MCM10: variants seen among roughly 807,000 people sequenced by gnomAD.
The protein encoded by MCM10 is protein MCM10 homolog.
MCM10 carries 91 observed loss-of-function variants against 109.9 expected under a neutral mutation model. That is an observed-to-expected ratio of 0.83 (90% CI 0.70 to 0.99). The LOEUF (loss-of-function observed/expected upper bound fraction) is 0.99, where lower values mean the gene tolerates loss of function less well. Among genes scored for constraint, MCM10 ranks in the 50% least tolerant of loss-of-function variants. MCM10 has a pLI of 0.00. For missense variants in MCM10, 1,077 were observed against 1,061.2 expected (o/e 1.01, Z -0.21); for synonymous variants, 380 against 387.2 (o/e 0.98, Z 0.22).
At chr10:13,166,533 G>T (rs1030590024) in intron 2 of MCM10, among the ~76,000 whole-genome samples, 5 of 151,668 alleles carry the variant, frequency 3.3e-5, no homozygotes, top group Non-Finnish European at 7.4e-5. Context: ...TACTCGGGAG[G>T]CTGAGGCAGG....
Position 13,186,268 on chromosome 10 carries a change from G to A in MCM10, c.1203G>A (p.Gln401=), listed in dbSNP as rs1834273806. Reference sequence around the variant, plus strand: ...AGAAGAATGGAGAGCCGTGCACGCAGACTGTGAATTTGGTTGGTTTCAGCC... The same window carrying A: ...AGAAGAATGGAGAGCCGTGCACGCAAACTGTGAATTTGGTTGGTTTCAGCC... ...AKKKNGEPCT[Q]TVNLRDCEYC... Residue 401 remains glutamine, a synonymous_variant, in exon 9 of 20, where the codon CAG becomes CAA. Transcript: ENST00000378714. The A allele has an allele frequency of 1.9e-6, 3 of 1,610,456 alleles. No homozygotes were observed. The highest frequency in any genetic ancestry group is 2.5e-6 in the Non-Finnish European group (3 of 1,177,132).
chr10:13,203,865 G>T (rs748985949), intron 17 of MCM10, among the ~76,000 whole-genome samples: 25 of 152,140 alleles, frequency 1.6e-4, no homozygotes, highest in African/African-American at 6.0e-4. Flanking sequence ...GCAAGGGGCC[G>T]TAATGACTCT....
intron 1 of MCM10, among the ~76,000 whole-genome samples, chr10:13,161,825 C>A (rs1365086547): frequency 6.6e-6 from 1 of 152,254 alleles, no homozygotes; most frequent in East Asian, 1.9e-4. Flanking sequence ...ACTAAGGAAT[C>A]GGGTTCTTCC....
At chr10:13,186,128 G>A in intron 8 of MCM10, 36 bp from the exon 9 acceptor site, 1 of 1,191,760 alleles carries the variant, frequency 8.4e-7, no homozygotes, top group Non-Finnish European at 1.2e-6. Context: ...CCATAATTTT[G>A]TCCGCCTTTA....
intron 18 of MCM10, among the ~76,000 whole-genome samples, chr10:13,206,046 T>C (rs1834576061): frequency 6.6e-6 from 1 of 152,172 alleles, no homozygotes; most frequent in Non-Finnish European, 1.5e-5. Flanking sequence ...TCTCCCTCCA[T>C]CCTATCCCTT....
chr10:13,209,080 TTC>T lies in MCM10; in HGVS notation c.2499-9_2499-8del, dbSNP rs1834623381. On this transcript the variant is annotated splice_polypyrimidine_tract_variant and intron_variant, in intron 18 of 19. Transcript: ENST00000378714. ...CCACCCTGCTGAGTAAATCCATCTG[TTC>T]TGTTTCAGTAACTGTGGCCTCTACA... 1 of 1,607,866 alleles carries T rather than the reference TTC, an allele frequency of 6.2e-7. No individual in the cohort carries two copies. The highest frequency in any genetic ancestry group is 8.5e-7 in the Non-Finnish European group (1 of 1,174,250).
chr10:13,203,345 C>A (rs1834525383), intron 17 of MCM10, among the ~76,000 whole-genome samples: 1 of 152,148 alleles, frequency 6.6e-6, no homozygotes, highest in Admixed American at 6.6e-5. Context: ...TCTCACCTTG[C>A]AGCCCTGAGC....
chr10:13,201,423 C>A lies in MCM10; in HGVS notation c.2241C>A (p.Ala747=). The change falls in exon 17 of 20, where the codon GCC becomes GCA. Residue 747 remains alanine (A), a splice_region_variant and synonymous_variant. Coordinates refer to ENST00000378714, the MANE Select transcript of MCM10 (RefSeq NM_018518.5). ...TTCATTATGCCCTGTCATTCCAGGC[C>A]GAGGCTGAGATGCAGGAGCGCTACT... ...KSKHTGILKE[A]EAEMQERYFE... 1 of 1,608,624 alleles carries A rather than the reference C, an allele frequency of 6.2e-7. No individual in the cohort carries two copies. Among genetic ancestry groups the A allele is most frequent in the East Asian group, 2.2e-5 (1 of 44,706 alleles).
intron 18 of MCM10, 54 bp from the exon 19 acceptor site, chr10:13,209,037 T>G: frequency 1.5e-6 from 2 of 1,340,904 alleles, no homozygotes; most frequent in Non-Finnish European, 2.1e-6. Context: ...CCGTCGTCTT[T>G]ACATGAGTGG....
Position 13,195,070 on chromosome 10 carries a change from G to T in MCM10, c.1775G>T (p.Ser592Ile). ...CTGCAGAGCTCAAGTGAAGTTGAGAGCCCAGCTGTGCCATCTTCATCAAGA... is the reference window on the plus strand; with the variant it reads ...CTGCAGAGCTCAAGTGAAGTTGAGATCCCAGCTGTGCCATCTTCATCAAGA... ...RFLQSSSEVE[S>I]PAVPSSSRQP... is the part of the protein sequence containing the mutation. Residue 592 changes from serine to isoleucine, a missense_variant, in exon 14 of 20, where the codon AGC becomes ATC. By Grantham distance (142) the Ser-to-Ile change is moderately radical. Coordinates refer to ENST00000378714, the MANE Select transcript of MCM10 (RefSeq NM_018518.5). The T allele has an allele frequency of 6.2e-7, 1 of 1,613,996 alleles. No individual in the cohort carries two copies. The highest frequency in any genetic ancestry group is 8.5e-7 in the Non-Finnish European group (1 of 1,179,956).
chr10:13,191,243 C>T, intron 10 of MCM10, 56 bp from the exon 11 acceptor site: 1 of 1,163,438 alleles, frequency 8.6e-7, no homozygotes, highest in Non-Finnish European at 1.3e-6. Context: ...TTCTTTACCT[C>T]ATCAGAGCAT....
At position 13,171,215 on chromosome 10, in the gene MCM10, C is replaced by T. The variant is rs373953435; in HGVS notation, c.301C>T (p.Leu101Phe). 6.3e-5 allele frequency: 102 copies of T among 1,613,754 alleles called. No homozygotes were observed. The South Asian group carries it at 6.8e-4, about 11-fold the overall frequency. The change falls in exon 3 of 20, where the codon CTC becomes TTC. Residue 101 changes from leucine to phenylalanine, a missense_variant. Leu to Phe is a conservative substitution (Grantham distance 22, BLOSUM62 0). Transcript: ENST00000378714. ...ATCACAGTCAACTGAAAATAGGGTC[C>T]TCCCTGCTCCTGCCCCCAGGCGAGA... ...PASQSTENRVLPAPAPRREKT... is the reference protein window; with the variant it reads ...PASQSTENRVFPAPAPRREKT...
At chr10:13,161,835 C>A (rs1346678435) in intron 1 of MCM10, among the ~76,000 whole-genome samples, 2 of 152,262 alleles carry the variant, frequency 1.3e-5, no homozygotes, top group South Asian at 4.1e-4. Context: ...CGGGTTCTTC[C>A]TTTTAAACGC....
rs1834082379 is a variant in MCM10, at chr10:13,172,110, G to A, written c.350-266G>A. On this transcript the variant is annotated intron_variant, in intron 3 of 19. Coordinates refer to ENST00000378714, the MANE Select transcript of MCM10 (RefSeq NM_018518.5). This position sits in a 1 kb window ranked among gnomAD's most constrained non-coding sequence, Gnocchi z 5.2. Reference sequence around the variant, plus strand: ...CTCAACTCCTAAAAACTTGTTAACTGTGGATTTTATTTGATATCTCTTAAT... The same window carrying A: ...CTCAACTCCTAAAAACTTGTTAACTATGGATTTTATTTGATATCTCTTAAT... Among the ~76,000 whole-genome samples the A allele has an allele frequency of 6.6e-6, 1 of 151,988 alleles. No individual in the cohort carries two copies. The highest frequency in any genetic ancestry group is 1.5e-5 in the Non-Finnish European group (1 of 68,004).
At chr10:13,175,407 T>G (rs1466324117) in intron 5 of MCM10, 103 bp from the exon 6 acceptor site, 3 of 890,768 alleles carry the variant, frequency 3.4e-6, no homozygotes, top group Non-Finnish European at 5.4e-6. Flanking sequence ...GGTGACACAG[T>G]GAGTCCCTAT....
intron 1 of MCM10, among the ~76,000 whole-genome samples, chr10:13,163,697 G>A (rs1833957770): frequency 6.6e-6 from 1 of 151,908 alleles, no homozygotes; most frequent in Admixed American, 6.6e-5. Context: ...TTGTGTGTGT[G>A]TGTGTGTAAT....
intron 17 of MCM10, 55 bp downstream of exon 17, chr10:13,201,589 A>G: frequency 7.9e-7 from 1 of 1,272,786 alleles, no homozygotes; most frequent in Non-Finnish European, 1.1e-6. Flanking sequence ...TGCTTTTGTG[A>G]CTCGGCAGCA....
intron 6 of MCM10, among the ~76,000 whole-genome samples, chr10:13,176,464 T>A (rs1376359892): frequency 6.6e-6 from 1 of 152,180 alleles, no homozygotes; most frequent in Non-Finnish European, 1.5e-5. Flanking sequence ...TTTAGCACAG[T>A]CCATTTGAGG....
chr10:13,202,932 C>T (rs1283137195), intron 17 of MCM10, among the ~76,000 whole-genome samples: 1 of 152,118 alleles, frequency 6.6e-6, no homozygotes, highest in Non-Finnish European at 1.5e-5. Flanking sequence ...GCAACCTCTG[C>T]CTCCCTGGTT....
Sources: gnomAD v4.1 joint callset for allele counts (sites outside exome capture counted in the v4.1 genomes callset) on GRCh38, gnomAD v4.1.1 for gene constraint, Gnocchi (gnomAD v3.1) non-coding constraint, MANE v1.5 for transcripts, NCBI Gene and HGNC (gene_info 2026-07-23, HGNC 2026-07-21) for gene names.